ACYP2: variants seen among roughly 807,000 people sequenced by gnomAD.
ACYP2 encodes acylphosphatase 2, also known as acylphosphatase-2.
Under a neutral mutation model 11.2 loss-of-function variants are expected in ACYP2, and 12 were observed. That is an observed-to-expected ratio of 1.08 (90% CI 0.69 to 1.74). The LOEUF (loss-of-function observed/expected upper bound fraction) is 1.74. Among genes scored for constraint, ACYP2 ranks in the 40% most tolerant of loss-of-function variants. The pLI is 0.00. For missense variants in ACYP2, 134 were observed against 101.9 expected, an observed-to-expected ratio of 1.31 and a Z score of -1.35; for synonymous variants, 43 against 32.2, an observed-to-expected ratio of 1.33 and a Z score of -1.13.
intron 4 of ACYP2, among the ~76,000 whole-genome samples, chr2:54,091,575 G>A (rs1678235925): frequency 6.6e-6 from 1 of 151,604 alleles, no homozygotes; most frequent in Non-Finnish European, 1.5e-5. Context: ...GTGGTGGCAC[G>A]ATCTCGGCTC....
chr2:54,198,236 A>T (rs1684598316), intron 6 of ACYP2, among the ~76,000 whole-genome samples: 1 of 152,068 alleles, frequency 6.6e-6, no homozygotes, highest in South Asian at 2.1e-4. Flanking sequence ...GTTGGTCTCA[A>T]ACTCCTGACC....
chr2:54,002,045 A>G (rs1672827183), intron 2 of ACYP2, among the ~76,000 whole-genome samples: 1 of 152,226 alleles, frequency 6.6e-6, no homozygotes, highest in Admixed American at 6.5e-5. Context: ...ATTAGGGTTC[A>G]CCATTGGTGG....
At chr2:54,291,103 G>A (rs528366959) in intron 6 of ACYP2, among the ~76,000 whole-genome samples, 3 of 152,294 alleles carry the variant, frequency 2.0e-5, no homozygotes, top group Admixed American at 6.5e-5. Context: ...CACTGAAGCT[G>A]AGCTTGCTGA....
chr2:54,164,975 C>T (rs1400971427), intron 6 of ACYP2, among the ~76,000 whole-genome samples: 2 of 152,158 alleles, frequency 1.3e-5, no homozygotes, highest in East Asian at 3.9e-4. Flanking sequence ...GTTTTCTGTT[C>T]CTGTGTTAGT....
chr2:54,079,714 C>T (rs760185731), intron 4 of ACYP2, among the ~76,000 whole-genome samples: 27 of 152,200 alleles, frequency 1.8e-4, no homozygotes, highest in Non-Finnish European at 3.2e-4. Flanking sequence ...GATTTAGGTT[C>T]GGAATAGCTT....
At chr2:54,068,840 T>C (rs80151632) in intron 4 of ACYP2, among the ~76,000 whole-genome samples, 15,740 of 152,148 alleles carry the variant, frequency 0.1, 1,070 homozygotes, top group Middle Eastern at 0.22. Context: ...TGGCTGTTGG[T>C]ACAGCAATTT....
rs539710327 is a variant in ACYP2 at position 54,080,706 on chromosome 2, C to T, written c.277+23346C>T. ...GTTTCACCATGTTGACCAGGCTGGT[C>T]TCAACTCCTGACCTCAGGTGATCCT... is the stretch of plus-strand genomic sequence containing the variant. On this transcript the variant is annotated intron_variant, in intron 4 of 6. Transcript: ENST00000607452. 2.6e-5 allele frequency among the ~76,000 whole-genome samples: 4 copies of T among 152,160 alleles called. No individual in the cohort carries two copies. In the East Asian group the frequency reaches 7.7e-4, roughly 29 times the overall value.
intron 4 of ACYP2, among the ~76,000 whole-genome samples, chr2:54,117,599 TTTA>T (rs1572793174): frequency 6.6e-6 from 1 of 152,292 alleles, no homozygotes; most frequent in East Asian, 1.9e-4. Context: ...CAGCCAGAAA[TTTA>T]TTAATGAGAA....
chr2:54,164,839 T>C (rs937207940), intron 6 of ACYP2, among the ~76,000 whole-genome samples: 4 of 152,178 alleles, frequency 2.6e-5, no homozygotes, highest in South Asian at 2.1e-4. Flanking sequence ...TAGGTATTTG[T>C]CCTAATGCTC....
intron 2 of ACYP2, among the ~76,000 whole-genome samples, chr2:54,019,920 T>G (rs983556596): frequency 6.6e-6 from 1 of 151,998 alleles, no homozygotes; most frequent in Non-Finnish European, 1.5e-5. Context: ...GCACCTGGCC[T>G]TTTCTTTTGA....
At chr2:53,980,567 AT>A (rs1671702747) in intron 2 of ACYP2, among the ~76,000 whole-genome samples, 1 of 152,078 alleles carries the variant, frequency 6.6e-6, no homozygotes, top group Non-Finnish European at 1.5e-5. Context: ...AAATAAAAAA[AT>A]AAAGAAAATA....
intron 6 of ACYP2, among the ~76,000 whole-genome samples, chr2:54,247,933 T>C (rs1687035645): frequency 1.3e-5 from 2 of 152,172 alleles, no homozygotes; most frequent in Admixed American, 1.3e-4. Flanking sequence ...CTTTGTACAG[T>C]TATATGAGAA....
chr2:54,239,046 A>G (rs1412910655), intron 6 of ACYP2, among the ~76,000 whole-genome samples: 1 of 152,112 alleles, frequency 6.6e-6, no homozygotes. Context: ...ATTTCCCTAA[A>G]TAAATCATAA....
intron 2 of ACYP2, among the ~76,000 whole-genome samples, chr2:54,013,404 G>A (rs1016647584): frequency 6.6e-6 from 1 of 151,264 alleles, no homozygotes; most frequent in African/African-American, 2.4e-5. Context: ...AGGTCCAACC[G>A]ATTCTTCTGC....
chr2:53,994,454 G>C (rs965764489), intron 2 of ACYP2, among the ~76,000 whole-genome samples: 22 of 149,894 alleles, frequency 1.5e-4, no homozygotes, highest in African/African-American at 5.4e-4. Flanking sequence ...AGGAGGTGGA[G>C]GTTGCAGAGA....
chr2:54,079,327 G>A (rs1244974954), intron 4 of ACYP2, among the ~76,000 whole-genome samples: 1 of 152,170 alleles, frequency 6.6e-6, no homozygotes, highest in Non-Finnish European at 1.5e-5. Flanking sequence ...CATCCACCTT[G>A]CTACCATTAA....
At chr2:54,151,750 G>C (rs1682180399) in intron 6 of ACYP2, among the ~76,000 whole-genome samples, 1 of 152,114 alleles carries the variant, frequency 6.6e-6, no homozygotes, top group South Asian at 2.1e-4. Flanking sequence ...TAAGGGTATA[G>C]TTTTTACTTT....
intron 4 of ACYP2, among the ~76,000 whole-genome samples, chr2:54,110,795 A>G (rs1679419645): frequency 6.6e-6 from 1 of 152,036 alleles, no homozygotes; most frequent in East Asian, 1.9e-4. Flanking sequence ...AGTCTTTAAG[A>G]AAACCTCTCT....
chr2:54,083,677 G>A (rs1677790206), intron 4 of ACYP2, among the ~76,000 whole-genome samples: 1 of 152,138 alleles, frequency 6.6e-6, no homozygotes, highest in South Asian at 2.1e-4. Context: ...AAGCTCCAGA[G>A]TCCTGCTGAT....
Sources: allele counts gnomAD v4.1 joint callset (sites outside exome capture counted in the v4.1 genomes callset), GRCh38; gene constraint gnomAD v4.1.1; transcripts MANE v1.5; gene names NCBI Gene and HGNC (gene_info 2026-07-23, HGNC 2026-07-21).